The following RAP1GAP2 variants were observed in gnomAD, a reference collection of about 807,000 sequenced individuals.
RAP1GAP2 encodes the protein RAP1 GTPase activating protein 2, also known as rap1 GTPase-activating protein 2.
In RAP1GAP2, 27 loss-of-function variants were observed where a neutral mutation model predicts 95.0. The observed-to-expected ratio is 0.28, with a 90% CI of 0.21 to 0.39. RAP1GAP2 has a LOEUF of 0.39. Ranked by LOEUF, RAP1GAP2 falls within the 10% of genes least tolerant of loss-of-function variation. RAP1GAP2 has a pLI of 1.00. For synonymous variants in RAP1GAP2, 373 were observed against 380.9 expected, an observed-to-expected ratio of 0.98 and a Z score of 0.24; for missense variants, 771 against 970.0, an observed-to-expected ratio of 0.79 and a Z score of 2.72.
chr17:2,780,788 A>G (rs1425922764), intron 1 of RAP1GAP2, among the ~76,000 whole-genome samples: 1 of 152,256 alleles, frequency 6.6e-6, no homozygotes, highest in Non-Finnish European at 1.5e-5. Flanking sequence ...AAAATAAAGC[A>G]ATGATACTAG....
At chr17:2,961,403 T>C (rs532039485) in intron 4 of RAP1GAP2, among the ~76,000 whole-genome samples, 23 of 151,800 alleles carry the variant, frequency 1.5e-4, no homozygotes, top group Non-Finnish European at 2.6e-4. Context: ...TAATCTCAGC[T>C]ACTCGGGAGG....
intron 2 of RAP1GAP2, among the ~76,000 whole-genome samples, chr17:2,884,202 G>A (rs536990804): frequency 2.4e-4 from 37 of 152,290 alleles, no homozygotes; most frequent in African/African-American, 7.5e-4. Flanking sequence ...AATACTCAGC[G>A]TACTCAATTC....
intron 2 of RAP1GAP2, among the ~76,000 whole-genome samples, chr17:2,854,264 C>T (rs1338787114): frequency 6.6e-6 from 1 of 152,194 alleles, no homozygotes; most frequent in Admixed American, 6.5e-5. Flanking sequence ...TCGCCCCGGA[C>T]CCTGGCTGGT....
chr17:2,838,289 A>G (rs1344414671), intron 2 of RAP1GAP2, among the ~76,000 whole-genome samples: 1 of 151,966 alleles, frequency 6.6e-6, no homozygotes, highest in Non-Finnish European at 1.5e-5. Context: ...AAGTGCTGGG[A>G]TTACAGGTGT....
intron 2 of RAP1GAP2, among the ~76,000 whole-genome samples, chr17:2,771,511 T>C (rs2068396962): frequency 1.3e-5 from 2 of 150,576 alleles, no homozygotes; most frequent in Non-Finnish European, 3.0e-5. Context: ...TTTTTTTTTT[T>C]AGATAGAGTT....
chr17:2,853,988 G>A (rs1185451415), intron 2 of RAP1GAP2: 2 of 984,392 alleles, frequency 2.0e-6, no homozygotes, highest in South Asian at 4.7e-5. Context: ...ACCGCGGGCG[G>A]CCTCGCCATG....
intron 3 of RAP1GAP2, among the ~76,000 whole-genome samples, chr17:2,943,228 G>T (rs966214894): frequency 1.3e-5 from 2 of 151,662 alleles, no homozygotes; most frequent in Admixed American, 6.6e-5. Flanking sequence ...TTAGGCTTCT[G>T]CACAGCAAAG....
chr17:3,026,747 C>G (rs941415190), intron 21 of RAP1GAP2, among the ~76,000 whole-genome samples, 197 bp from the exon 22 acceptor site: 1 of 152,162 alleles, frequency 6.6e-6, no homozygotes, highest in Admixed American at 6.5e-5. Flanking sequence ...GGCCAGTGCC[C>G]CAGGGGGCTG....
At position 2,965,810 on chromosome 17, in the gene RAP1GAP2, C is replaced by T; in HGVS notation, c.596+167C>T. On this transcript the variant is annotated intron_variant, in intron 8 of 24. Coordinates refer to ENST00000254695, the MANE Select transcript of RAP1GAP2 (RefSeq NM_015085.5). The surrounding 1 kb of genome is among the most constrained non-coding windows in gnomAD (Gnocchi z 4.7). ...AATCCTGGGGCTGTGTCTGAAGTTG[C>T]CTAGCAGGGAGACCCACGCGCTCCA... 1 of 613,694 alleles carries T rather than the reference C, an allele frequency of 1.6e-6. No homozygotes were observed. Among genetic ancestry groups the T allele is most frequent in the Non-Finnish European group, 2.9e-6 (1 of 349,866 alleles). The allele number at this position is 613,694 out of a possible 1,614,324, so 38.0% of individuals were successfully genotyped here.
At chr17:2,809,671 C>T (rs1257722496) in intron 2 of RAP1GAP2, among the ~76,000 whole-genome samples, 1 of 152,188 alleles carries the variant, frequency 6.6e-6, no homozygotes, top group Non-Finnish European at 1.5e-5. Context: ...CTGCCCGGCT[C>T]GCTGGGAGCT....
rs1217128862 is a variant in RAP1GAP2 at position 2,906,769 on chromosome 17, A to C, written c.165+1401A>C. Among the ~76,000 whole-genome samples, 1 of 152,094 alleles carries C rather than the reference A, an allele frequency of 6.6e-6. No homozygotes were observed. Among genetic ancestry groups the C allele is most frequent in the Non-Finnish European group, 1.5e-5 (1 of 68,024 alleles). Reference sequence around the variant, plus strand: ...AGAAGTCTGACAGTCTCCTAGGAGGAGTCCCTGAATTCTCTTGGCAGATTT... The same window carrying C: ...AGAAGTCTGACAGTCTCCTAGGAGGCGTCCCTGAATTCTCTTGGCAGATTT... On this transcript the variant is annotated intron_variant, in intron 3 of 24. Coordinates refer to ENST00000254695, the MANE Select transcript of RAP1GAP2 (RefSeq NM_015085.5). This position sits in a 1 kb window ranked among gnomAD's most constrained non-coding sequence, Gnocchi z 4.3.
intron 2 of RAP1GAP2, among the ~76,000 whole-genome samples, chr17:2,891,985 G>A (rs1177535268): frequency 1.3e-5 from 2 of 151,248 alleles, no homozygotes; most frequent in African/African-American, 2.4e-5. Flanking sequence ...CACCATGCCC[G>A]GCTAATTTTT....
In RAP1GAP2 at chr17:2,906,345, T is replaced by A. The variant is rs1051074832; in HGVS notation, c.165+977T>A. On this transcript the variant is annotated intron_variant, in intron 3 of 24. Transcript: ENST00000254695. The surrounding 1 kb of genome is among the most constrained non-coding windows in gnomAD (Gnocchi z 4.3). ...ATAGGAAGCAGATAAAACCCATCCA[T>A]CTTCCTGTTGTTGTCCTGTATCCGA... Among the ~76,000 whole-genome samples, 3 of 152,096 alleles carry A rather than the reference T, an allele frequency of 2.0e-5. No individual in the cohort carries two copies. Among genetic ancestry groups the A allele is most frequent in the Non-Finnish European group, 4.4e-5 (3 of 68,018 alleles).
rs1340960587 is a variant in RAP1GAP2, at chr17:2,827,048, A to C, written c.80+26498A>C. Reference sequence around the variant, plus strand: ...AAAGAAAGAAAGAGAGAGAGAAAGAAAGAAAGAGAAAGTCCCATGGAAATG... The same window carrying C: ...AAAGAAAGAAAGAGAGAGAGAAAGACAGAAAGAGAAAGTCCCATGGAAATG... On this transcript the variant is annotated intron_variant, in intron 2 of 24. Coordinates refer to ENST00000254695, the MANE Select transcript of RAP1GAP2 (RefSeq NM_015085.5). This position sits in a 1 kb window ranked among gnomAD's most constrained non-coding sequence, Gnocchi z 4.1. Among the ~76,000 whole-genome samples, 1 of 150,786 alleles carries C rather than the reference A, an allele frequency of 6.6e-6. No individual in the cohort carries two copies. Among genetic ancestry groups the C allele is most frequent in the South Asian group, 2.1e-4 (1 of 4,822 alleles).
chr17:2,842,101 C>T (rs1370930489), intron 2 of RAP1GAP2, among the ~76,000 whole-genome samples: 1 of 152,140 alleles, frequency 6.6e-6, no homozygotes. Context: ...TATTGGGGTC[C>T]TTGTCATTCT....
At chr17:2,934,093 C>A (rs1217647600) in intron 3 of RAP1GAP2, among the ~76,000 whole-genome samples, 2 of 152,252 alleles carry the variant, frequency 1.3e-5, no homozygotes, top group Non-Finnish European at 2.9e-5. Context: ...CATCTTTATC[C>A]TGTTTGTACT....
chr17:2,917,240 C>T (rs905549388), intron 3 of RAP1GAP2, among the ~76,000 whole-genome samples: 1 of 152,060 alleles, frequency 6.6e-6, no homozygotes, highest in African/African-American at 2.4e-5. Context: ...GCCAGTCTGC[C>T]TGGGGTTAAG....
intron 1 of RAP1GAP2, among the ~76,000 whole-genome samples, chr17:2,764,594 A>G (rs11871104): frequency 0.087 from 12,393 of 141,762 alleles, 806 homozygotes; most frequent in African/African-American, 0.2. Context: ...GGTGGCAGGC[A>G]CCTATAATCC....
chr17:2,784,120 A>T (rs1198966456), intron 1 of RAP1GAP2, among the ~76,000 whole-genome samples: 2 of 149,894 alleles, frequency 1.3e-5, no homozygotes, highest in Non-Finnish European at 3.0e-5. Flanking sequence ...CTACAGGTCC[A>T]TGCCACCACG....
Sources: allele counts gnomAD v4.1 joint callset (sites outside exome capture counted in the v4.1 genomes callset), GRCh38; gene constraint gnomAD v4.1.1; non-coding constraint Gnocchi (gnomAD v3.1); transcripts MANE v1.5; gene names NCBI Gene and HGNC (gene_info 2026-07-23, HGNC 2026-07-21).